MAP7: variants seen among roughly 807,000 people sequenced by gnomAD.
MAP7 encodes microtubule associated protein 7.
In MAP7, 52 loss-of-function variants were observed where a neutral mutation model predicts 94.8. That is an observed-to-expected ratio of 0.55 (90% confidence interval 0.44 to 0.69). The LOEUF (loss-of-function observed/expected upper bound fraction) is 0.69. Ranked by LOEUF, MAP7 falls within the 30% of genes least tolerant of loss-of-function variation. The pLI is 0.00. For synonymous variants in MAP7, 350 were observed against 357.0 expected (o/e 0.98, Z 0.22); for missense variants, 940 against 964.6 (o/e 0.97, Z 0.34).
At chr6:136,456,822 G>GAAA (rs1554259490) in intron 1 of MAP7, among the ~76,000 whole-genome samples, 1 of 69,038 alleles carries the variant, frequency 1.4e-5, no homozygotes, top group African/African-American at 6.3e-5. Context: ...AGAAGAAGAA[G>GAAA]GAAGAAGAAG....
chr6:136,388,629 T>G (rs2128658768), intron 4 of MAP7, 119 bp from the exon 5 acceptor site: 1 of 770,944 alleles, frequency 1.3e-6, no homozygotes, highest in East Asian at 2.6e-5. Flanking sequence ...ATTCTTGATC[T>G]CTAGCTGAAC....
At position 136,345,955 on chromosome 6, in the gene MAP7, T is replaced by G. The variant is rs1454595984; in HGVS notation, c.2140A>C (p.Ser714Arg). 1.9e-6 allele frequency: 3 copies of G among 1,613,916 alleles called. No homozygotes were observed. Among genetic ancestry groups the G allele is most frequent in the African/African-American group, 1.3e-5 (1 of 74,926 alleles). The stretch of plus-strand genomic sequence containing the variant: ...ATTGGATTCAAAGGAATTTCTGGGC[T>G]CTCACTGTTGGTGACATCTAATCTG... Reference protein sequence around the residue: ...PSRLDVTNSESPEIPLNPILA... With the variant: ...PSRLDVTNSERPEIPLNPILA... Residue 714 changes from serine to arginine, a missense_variant, in exon 17 of 18, where the codon AGC (serine) becomes CGC (arginine). Coordinates refer to ENST00000354570, the MANE Select transcript of MAP7 (RefSeq NM_003980.6).
At chr6:136,482,747 T>C (rs528859688) in intron 1 of MAP7, among the ~76,000 whole-genome samples, 2 of 152,250 alleles carry the variant, frequency 1.3e-5, no homozygotes. Flanking sequence ...TTCCAGCACA[T>C]TGTTGGTTGG....
intron 1 of MAP7, among the ~76,000 whole-genome samples, chr6:136,443,190 T>C (rs1326153838): frequency 2.0e-5 from 3 of 152,122 alleles, no homozygotes; most frequent in Admixed American, 1.3e-4. Flanking sequence ...CTGAAACAAC[T>C]GTAATATGAT....
At chr6:136,373,198 T>C (rs1451628538) in intron 7 of MAP7, among the ~76,000 whole-genome samples, 5 of 152,166 alleles carry the variant, frequency 3.3e-5, no homozygotes, top group African/African-American at 1.2e-4. Context: ...GAACAAGTCT[T>C]ACCAGGTGTT....
At chr6:136,361,943 A>T (rs1336497152) in intron 11 of MAP7, among the ~76,000 whole-genome samples, 1 of 152,030 alleles carries the variant, frequency 6.6e-6, no homozygotes, top group Non-Finnish European at 1.5e-5. Flanking sequence ...GTACAATTGT[A>T]CCTCTGCTGT....
At chr6:136,356,643 G>C (rs751017655) in intron 16 of MAP7, 49 bp downstream of exon 16, 4 of 1,406,474 alleles carry the variant, frequency 2.8e-6, no homozygotes, top group Non-Finnish European at 4.0e-6. Context: ...TGGAGCTGGT[G>C]GGTAAAAACA....
At position 136,526,474 on chromosome 6, in the gene MAP7, C is replaced by G. The variant is rs1023748521; in HGVS notation, c.67+23868G>C. 3.0e-5 allele frequency: 30 copies of G among 985,648 alleles called. No homozygotes were observed. The African/African-American group carries it at 5.2e-4, about 17-fold the overall frequency. 61.1% of individuals were successfully genotyped at this position (985,648 alleles called of 1,614,324 possible). A position where few individuals can be genotyped will look rare whatever the true frequency, so the allele number is the denominator to read the frequency against. On this transcript the variant is annotated intron_variant, in intron 1 of 17. Transcript: ENST00000354570. The stretch of plus-strand genomic sequence containing the variant: ...AGCAGAGAGGGGAAAATATGATATG[C>G]TGCCGTTAACAGTTGCCCTGACAAC...
At chr6:136,366,876 C>A (rs879433669) in intron 8 of MAP7, among the ~76,000 whole-genome samples, 1 of 151,978 alleles carries the variant, frequency 6.6e-6, no homozygotes, top group Non-Finnish European at 1.5e-5. Context: ...CACACTATAT[C>A]TCAGTCTTTA....
chr6:136,471,840 T>C (rs901373512), intron 1 of MAP7, among the ~76,000 whole-genome samples: 2 of 152,216 alleles, frequency 1.3e-5, no homozygotes, highest in Non-Finnish European at 2.9e-5. Context: ...CCCACTCTTC[T>C]TCCTACCCTT....
chr6:136,411,646 C>G lies in MAP7; in HGVS notation c.218G>C (p.Arg73Pro). 1.9e-6 allele frequency: 3 copies of G among 1,562,964 alleles called. No homozygotes were observed. Among genetic ancestry groups the G allele is most frequent in the Non-Finnish European group, 2.6e-6 (3 of 1,152,654 alleles). The part of the protein sequence containing the change: ...VDDRQRLARE[R>P]REEREKQLAA... Reference sequence around the variant, plus strand: ...TAGCTGTTTCTCCCGTTCCTCACGTCGCTCCCGGGCCAGCCGCTGCCGGTC... The same window carrying G: ...TAGCTGTTTCTCCCGTTCCTCACGTGGCTCCCGGGCCAGCCGCTGCCGGTC... Residue 73 changes from arginine to proline, a missense_variant, in exon 3 of 18, where the codon CGA (arginine) becomes CCA (proline). Transcript: ENST00000354570.
chr6:136,470,110 G>C (rs944628690), intron 1 of MAP7, among the ~76,000 whole-genome samples: 1 of 152,106 alleles, frequency 6.6e-6, no homozygotes, highest in Non-Finnish European at 1.5e-5. Context: ...CCGCTAACAT[G>C]TGGAGGCCCT....
At chr6:136,477,031 A>G (rs1317278751) in intron 1 of MAP7, among the ~76,000 whole-genome samples, 1 of 152,236 alleles carries the variant, frequency 6.6e-6, no homozygotes. Context: ...ATGGATGAAT[A>G]TATAAGAAAG....
At chr6:136,363,579 T>G (rs1285073105) in intron 10 of MAP7, among the ~76,000 whole-genome samples, 3 of 152,260 alleles carry the variant, frequency 2.0e-5, no homozygotes, top group African/African-American at 7.2e-5. Flanking sequence ...TTTTGAATCA[T>G]CTCTTCTTTC....
chr6:136,372,614 G>A lies in MAP7; in HGVS notation c.763C>T (p.Pro255Ser). ...ALSGEAASCS[P>S]IIMPYKAAHS... ...GCAGCTTTGTAGGGCATGATGATGG[G>A]GCTGCAAGATGCTGAACGAGGACAA... The change falls in exon 8 of 18, where the codon CCC becomes TCC. Residue 255 changes from proline (P) to serine (S), a missense_variant. Transcript: ENST00000354570. 3 of 1,614,162 alleles carry A rather than the reference G, an allele frequency of 1.9e-6. No homozygotes were observed. Among genetic ancestry groups the A allele is most frequent in the Non-Finnish European group, 2.5e-6 (3 of 1,180,024 alleles).
chr6:136,356,857 C>A, intron 15 of MAP7, 63 bp from the exon 16 acceptor site: 1 of 1,324,668 alleles, frequency 7.5e-7, no homozygotes, highest in East Asian at 2.3e-5. Context: ...ACCTAACCTC[C>A]AAGAGCCAGA....
chr6:136,385,846 C>A (rs1779049602), intron 5 of MAP7, among the ~76,000 whole-genome samples: 1 of 152,226 alleles, frequency 6.6e-6, no homozygotes, highest in South Asian at 2.1e-4. Flanking sequence ...TCTCAGCTCA[C>A]TGCAACCTCC....
chr6:136,520,309 T>C (rs948620673), intron 1 of MAP7, among the ~76,000 whole-genome samples: 2 of 152,068 alleles, frequency 1.3e-5, no homozygotes, highest in African/African-American at 4.8e-5. Flanking sequence ...GAGAGCAATA[T>C]GATTAATGTA....
rs115865788 is a variant in MAP7 at position 136,404,582 on chromosome 6, G to A, written c.244+7038C>T. ...GTTGACATTTTTCTTCAAGAGCTAT[G>A]TCAGTCCATCATACATTCTCTTTCA... On this transcript the variant is annotated intron_variant, in intron 3 of 17. Coordinates refer to ENST00000354570, the MANE Select transcript of MAP7 (RefSeq NM_003980.6). Among the ~76,000 whole-genome samples the A allele has an allele frequency of 1.8e-3, 271 of 152,270 alleles. 1 individual carries two copies. Among genetic ancestry groups the A allele is most frequent in the African/African-American group, 6.3e-3 (261 of 41,552 alleles).
Sources: allele counts gnomAD v4.1 joint callset (sites outside exome capture counted in the v4.1 genomes callset), GRCh38; gene constraint gnomAD v4.1.1; transcripts MANE v1.5; gene names NCBI Gene and HGNC (gene_info 2026-07-23, HGNC 2026-07-21).